Variants in DGKD observed in about 807,000 individuals in gnomAD.
DGKD encodes the protein diacylglycerol kinase delta.
Under a neutral mutation model 154.4 loss-of-function variants are expected in DGKD, and 68 were observed. The ratio of observed to expected loss-of-function variants is 0.44; its 90% confidence interval spans 0.36 to 0.54. The LOEUF (loss-of-function observed/expected upper bound fraction) is 0.54, where lower values mean the gene tolerates loss of function less well. Among genes scored for constraint, DGKD ranks in the 20% least tolerant of loss-of-function variants. DGKD has a pLI of 0.00. For synonymous variants in DGKD, 693 were observed against 638.0 expected, an observed-to-expected ratio of 1.09 and a Z score of -1.30; for missense variants, 1,343 against 1,593.6, an observed-to-expected ratio of 0.84 and a Z score of 2.68.
At chr2:233,453,686 A>G (rs946265071) in intron 18 of DGKD, among the ~76,000 whole-genome samples, 7 of 152,212 alleles carry the variant, frequency 4.6e-5, no homozygotes, top group African/African-American at 1.7e-4. Context: ...GTGGAGGAAC[A>G]GGGGTTCCTC....
chr2:233,457,375 G>T lies in DGKD; in HGVS notation c.2580+47G>T, dbSNP rs764125813. On this transcript the variant is annotated intron_variant, in intron 21 of 29. Transcript: ENST00000264057. The surrounding 1 kb of genome is among the most constrained non-coding windows in gnomAD (Gnocchi z 5.5). ...GTGGGCCTGAGCTCAGTGGGGAAGA[G>T]CTGTCTGAGAGCAGGGGGGTGTTCT... 7.2e-6 allele frequency: 10 copies of T among 1,388,890 alleles called. No homozygotes were observed. Among genetic ancestry groups the T allele is most frequent in the Non-Finnish European group, 1.0e-5 (10 of 979,858 alleles). The allele number at this position is 1,388,890 out of a possible 1,614,324, so 86.0% of individuals were successfully genotyped here. A position where few individuals can be genotyped will look rare whatever the true frequency, so the allele number is the denominator to read the frequency against.
intron 26 of DGKD, chr2:233,463,862 G>A (rs2063745469): frequency 2.6e-6 from 1 of 380,008 alleles, no homozygotes; most frequent in South Asian, 3.5e-5. Context: ...TCCACTGCTT[G>A]ACACAGGTGA....
At chr2:233,390,333 CA>C in intron 2 of DGKD, 69 bp from the exon 3 acceptor site, 1 of 1,154,522 alleles carries the variant, frequency 8.7e-7, no homozygotes, top group African/African-American at 1.5e-5. Flanking sequence ...GTGTGGTGGG[CA>C]GCGCTGGCTA....
chr2:233,354,584 G>A lies in DGKD; in HGVS notation c.66G>A (p.Glu22=). 3.6e-6 allele frequency: 4 copies of A among 1,102,936 alleles called. No homozygotes were observed. Among genetic ancestry groups the A allele is most frequent in the Non-Finnish European group, 4.5e-6 (4 of 891,178 alleles). 68.3% of individuals were successfully genotyped at this position (1,102,936 alleles called of 1,614,324 possible). ...AACCGCCTCCGCCGCCGCCGCCCGA[G>A]GAGTCGTCCGACAGCGAGCCCGAGG... ...PPQPPPPPPP[E]ESSDSEPEAE... The change falls in exon 1 of 30, where the codon GAG becomes GAA. Residue 22 remains glutamate (E), a synonymous_variant. Coordinates refer to ENST00000264057, the MANE Select transcript of DGKD (RefSeq NM_152879.3). The surrounding 1 kb of genome is among the most constrained non-coding windows in gnomAD (Gnocchi z 4.8).
intron 1 of DGKD, among the ~76,000 whole-genome samples, chr2:233,382,933 A>G (rs1702974347): frequency 6.6e-6 from 1 of 152,014 alleles, no homozygotes; most frequent in Admixed American, 6.5e-5. Flanking sequence ...CTTAGTCTCC[A>G]TTTGACTTAC....
At chr2:233,390,350 T>C in intron 2 of DGKD, 53 bp from the exon 3 acceptor site, 1 of 1,459,914 alleles carries the variant, frequency 6.8e-7, no homozygotes. Flanking sequence ...GGCTAGTGCT[T>C]AGGGATGTAC....
intron 6 of DGKD, 78 bp downstream of exon 6, chr2:233,436,002 G>A: frequency 2.2e-6 from 3 of 1,357,600 alleles, no homozygotes; most frequent in Non-Finnish European, 3.0e-6. Flanking sequence ...CCTCCTCCCT[G>A]CCCTCCCTGC....
chr2:233,415,826 G>C (rs2061947192), intron 3 of DGKD, among the ~76,000 whole-genome samples: 1 of 152,002 alleles, frequency 6.6e-6, no homozygotes, highest in Admixed American at 6.6e-5. Flanking sequence ...GGGTCTCACT[G>C]TGTTGCCCAG....
At chr2:233,380,361 C>T (rs533563398) in intron 1 of DGKD, among the ~76,000 whole-genome samples, 19 of 152,292 alleles carry the variant, frequency 1.2e-4, no homozygotes, top group Middle Eastern at 3.4e-3. Context: ...GCCAACCCAT[C>T]GTTATCAGAC....
rs918159014 is a variant in DGKD, at chr2:233,471,641, G to A, written c.*2181G>A. ...TACTCCTGGCAAGGAGTTGGGTTTG[G>A]ATCAAAAGTGTTTAAAATTAATATG... On this transcript the variant is annotated 3_prime_UTR_variant, in exon 30 of 30. Coordinates refer to ENST00000264057, the MANE Select transcript of DGKD (RefSeq NM_152879.3). 6.6e-6 allele frequency: 1 copy of A among 152,384 alleles called. No individual in the cohort carries two copies. Among genetic ancestry groups the A allele is most frequent in the Non-Finnish European group, 1.5e-5 (1 of 68,048 alleles). The allele number at this position is 152,384 out of a possible 1,614,324, so 9.4% of individuals were successfully genotyped here.
rs2063756740 is a variant in DGKD at position 233,464,187 on chromosome 2, G to T, written c.3210G>T (p.Glu1070Asp). ...AGCAGCTGGATCCGCCTCAGAAGGA[G>T]CAGCTGGGGAGTGCTCTTGCCGAGA... ...MALQLDPPQK[E>D]QLGSALAEMD... Residue 1070 changes from glutamate to aspartate, a missense_variant, in exon 27 of 30, where the codon GAG becomes GAT. By Grantham distance (45) the Glu-to-Asp change is conservative. This residue lies in a region of DGKD where 429 missense variants were observed against 496.3 expected (regional missense o/e 0.86). Coordinates refer to ENST00000264057, the MANE Select transcript of DGKD (RefSeq NM_152879.3). 6.2e-7 allele frequency: 1 copy of T among 1,613,502 alleles called. No homozygotes were observed. The highest frequency in any genetic ancestry group is 8.5e-7 in the Non-Finnish European group (1 of 1,180,044).
chr2:233,450,792 T>G, intron 16 of DGKD, 130 bp from the exon 17 acceptor site: 1 of 1,189,218 alleles, frequency 8.4e-7, no homozygotes, highest in Non-Finnish European at 1.2e-6. Flanking sequence ...CCCACACACT[T>G]CACGCAACTG....
At chr2:233,396,980 G>GC (rs1318063995) in intron 3 of DGKD, among the ~76,000 whole-genome samples, 1 of 84,910 alleles carries the variant, frequency 1.2e-5, no homozygotes, top group Non-Finnish European at 2.5e-5. Context: ...GCTGGGGGGG[G>GC]CAGAGCGAGA....
chr2:233,451,391 C>T (rs918425772), intron 17 of DGKD, among the ~76,000 whole-genome samples: 6 of 151,962 alleles, frequency 3.9e-5, no homozygotes, highest in Admixed American at 1.3e-4. Context: ...GGGACCATCC[C>T]GTGCTTCTAG....
intron 18 of DGKD, chr2:233,454,533 A>G (rs1034758867): frequency 1.4e-5 from 7 of 512,506 alleles, no homozygotes; most frequent in African/African-American, 1.2e-4. Flanking sequence ...GAAATGCTCT[A>G]AAATCGATTA....
chr2:233,460,567 CTG>C (rs2063597843), intron 24 of DGKD, among the ~76,000 whole-genome samples: 1 of 152,218 alleles, frequency 6.6e-6, no homozygotes, highest in African/African-American at 2.4e-5. Context: ...CTAAAGCCCA[CTG>C]TGATTTTCAG....
intron 1 of DGKD, among the ~76,000 whole-genome samples, chr2:233,360,525 T>C (rs1035130806): frequency 1.9e-4 from 29 of 152,194 alleles, no homozygotes; most frequent in Admixed American, 1.2e-3. Flanking sequence ...CCCAAAGTGC[T>C]AGAATTACAG....
chr2:233,403,442 C>T (rs1394360287), intron 3 of DGKD, among the ~76,000 whole-genome samples: 1 of 151,710 alleles, frequency 6.6e-6, no homozygotes, highest in Non-Finnish European at 1.5e-5. Context: ...CGCCTGTAAT[C>T]CCAGCTACTC....
rs143042721 is a variant in DGKD, at chr2:233,373,320, T to C, written c.157-14937T>C. Among the ~76,000 whole-genome samples, 483 of 152,354 alleles carry C rather than the reference T, an allele frequency of 3.2e-3. 1 individual carries two copies. Among genetic ancestry groups the C allele is most frequent in the African/African-American group, 0.011 (448 of 41,586 alleles). The stretch of plus-strand genomic sequence containing the variant: ...GAAATAACACGGAGGAAGTTTCTTA[T>C]GATATTGTGGGTCGGGTTAGGTGGT... On this transcript the variant is annotated intron_variant, in intron 1 of 29. Coordinates refer to ENST00000264057, the MANE Select transcript of DGKD (RefSeq NM_152879.3).
Sources: gnomAD v4.1 joint callset for allele counts (sites outside exome capture counted in the v4.1 genomes callset) on GRCh38, gnomAD v4.1.1 for gene constraint, gnomAD v4.1.1 regional missense constraint, Gnocchi (gnomAD v3.1) non-coding constraint, MANE v1.5 for transcripts, NCBI Gene and HGNC (gene_info 2026-07-23, HGNC 2026-07-21) for gene names.